The following PREP variants were observed in gnomAD, a reference collection of about 807,000 sequenced individuals.
PREP encodes the protein dJ355L5.1 (prolyl endopeptidase).
In PREP, 29 loss-of-function variants were observed where a neutral mutation model predicts 87.6. The observed-to-expected ratio is 0.33, with a 90% confidence interval of 0.25 to 0.45. The LOEUF (loss-of-function observed/expected upper bound fraction) is 0.45, where lower values mean the gene tolerates loss of function less well. PREP is among the 20% of genes least tolerant of loss of function. The pLI is 1.00. For synonymous variants in PREP, 337 were observed against 328.6 expected (o/e 1.03, Z -0.28); for missense variants, 695 against 886.5 (o/e 0.78, Z 2.74).
At chr6:105,310,057 T>A (rs551153982) in intron 10 of PREP, among the ~76,000 whole-genome samples, 1 of 152,294 alleles carries the variant, frequency 6.6e-6, no homozygotes, top group East Asian at 1.9e-4. Flanking sequence ...GATTTTTTTA[T>A]AGGTTTTCTT....
chr6:105,392,020 A>G (rs1773161970), intron 2 of PREP, among the ~76,000 whole-genome samples: 1 of 149,658 alleles, frequency 6.7e-6, no homozygotes, highest in African/African-American at 2.5e-5. Context: ...GATTATTGGG[A>G]CCTACTTATC....
intron 6 of PREP, among the ~76,000 whole-genome samples, chr6:105,365,404 T>C (rs1444236051): frequency 1.3e-5 from 2 of 152,300 alleles, no homozygotes; most frequent in East Asian, 3.9e-4. Flanking sequence ...CCTGGCTTTA[T>C]CACACTTCTT....
At chr6:105,378,699 GA>G (rs1226272576) in intron 2 of PREP, among the ~76,000 whole-genome samples, 1 of 152,152 alleles carries the variant, frequency 6.6e-6, no homozygotes, top group Non-Finnish European at 1.5e-5. Flanking sequence ...CTATTAGCAA[GA>G]AATGAAACAA....
At chr6:105,326,685 G>GATCTA (rs1377107771) in intron 9 of PREP, among the ~76,000 whole-genome samples, 1 of 152,184 alleles carries the variant, frequency 6.6e-6, no homozygotes, top group East Asian at 1.9e-4. Flanking sequence ...GCTTTCATGA[G>GATCTA]ATCTAATCTA....
intron 2 of PREP, among the ~76,000 whole-genome samples, chr6:105,384,748 T>C (rs1489651558): frequency 2.6e-5 from 4 of 152,142 alleles, no homozygotes; most frequent in South Asian, 2.1e-4. Context: ...CTTAAGACAC[T>C]TGGGGCTACA....
intron 5 of PREP, among the ~76,000 whole-genome samples, chr6:105,371,870 T>C (rs1772566235): frequency 6.6e-6 from 1 of 152,224 alleles, no homozygotes; most frequent in East Asian, 1.9e-4. Context: ...TGAAAGCTGA[T>C]GGTAAATAAT....
chr6:105,303,516 TG>T (rs982795595), intron 10 of PREP, among the ~76,000 whole-genome samples: 2 of 150,920 alleles, frequency 1.3e-5, no homozygotes, highest in African/African-American at 4.9e-5. Flanking sequence ...AAATCATGAC[TG>T]AAAAAAAAAA....
intron 6 of PREP, among the ~76,000 whole-genome samples, chr6:105,355,177 C>T (rs1239716103): frequency 6.6e-6 from 1 of 151,412 alleles, no homozygotes; most frequent in South Asian, 2.1e-4. Flanking sequence ...TCTCTGCCTC[C>T]TGGGTTCCAG....
intron 9 of PREP, among the ~76,000 whole-genome samples, chr6:105,326,258 C>T (rs900840130): frequency 6.6e-6 from 1 of 152,140 alleles, no homozygotes. Flanking sequence ...TATTACAACA[C>T]GCAGGTCTGG....
chr6:105,351,851 G>A (rs1189307803), intron 7 of PREP, among the ~76,000 whole-genome samples: 1 of 152,116 alleles, frequency 6.6e-6, no homozygotes, highest in African/African-American at 2.4e-5. Context: ...CAAGATGGAT[G>A]TATCTCTTTT....
intron 2 of PREP, among the ~76,000 whole-genome samples, chr6:105,383,696 C>T (rs6900098): frequency 0.11 from 16,377 of 152,082 alleles, 940 homozygotes; most frequent in Middle Eastern, 0.18. Context: ...TAAATCAACT[C>T]GTTCCCTCAC....
chr6:105,367,874 G>GGT (rs1772431548), intron 6 of PREP, among the ~76,000 whole-genome samples: 1 of 152,156 alleles, frequency 6.6e-6, no homozygotes, highest in African/African-American at 2.4e-5. Flanking sequence ...GGTGAAAATG[G>GGT]GTGTGGTTGT....
chr6:105,307,285 T>G (rs1770675448), intron 10 of PREP, among the ~76,000 whole-genome samples: 1 of 152,162 alleles, frequency 6.6e-6, no homozygotes, highest in South Asian at 2.1e-4. Flanking sequence ...GTATGTATGA[T>G]TTCTTTTCTT....
intron 10 of PREP, among the ~76,000 whole-genome samples, chr6:105,303,194 A>G (rs141972415): frequency 1.3e-3 from 198 of 152,268 alleles, no homozygotes; most frequent in African/African-American, 4.5e-3. Flanking sequence ...CCTCCTGAGT[A>G]GCCAGGACTT....
chr6:105,353,022 A>G lies in PREP; in HGVS notation c.773T>C (p.Val258Ala). The change falls in exon 7 of 15, where the codon GTA (valine) becomes GCA (alanine). Residue 258 changes from valine to alanine, a missense_variant. Val to Ala is a moderately conservative substitution (Grantham distance 64). This residue lies in a region of PREP where 517 missense variants were observed against 620.3 expected (regional missense o/e 0.83). Transcript: ENST00000652536. The part of the protein sequence containing the change: ...LLSIREGCDP[V>A]NRLWYCDLQQ... ...TAGGTCACAGTACCAGAGTCGGTTT[A>G]CTGGATCACATCCTTCCCTTATTGA... is the stretch of plus-strand genomic sequence containing the variant. The G allele has an allele frequency of 1.2e-6, 2 of 1,614,162 alleles. No homozygotes were observed. Among genetic ancestry groups the G allele is most frequent in the Non-Finnish European group, 1.7e-6 (2 of 1,180,008 alleles).
chr6:105,365,729 C>G (rs1032640356), intron 6 of PREP, among the ~76,000 whole-genome samples: 1 of 152,164 alleles, frequency 6.6e-6, no homozygotes, highest in African/African-American at 2.4e-5. Context: ...CACCCAAGTT[C>G]TGGAACACTG....
At chr6:105,298,020 A>T (rs1770447471) in intron 10 of PREP, 1 of 152,252 alleles carries the variant, frequency 6.6e-6, no homozygotes, top group Non-Finnish European at 1.5e-5. Flanking sequence ...GTTAGTTCTA[A>T]GCATTAGTGA....
At chr6:105,296,962 C>T (rs748386356) in intron 10 of PREP, among the ~76,000 whole-genome samples, 42 of 152,246 alleles carry the variant, frequency 2.8e-4, no homozygotes, top group Non-Finnish European at 3.5e-4. Flanking sequence ...TCCTGGAAGT[C>T]ACCTGTGAGG....
At chr6:105,397,185 C>CAAAAAAAAAAAAAAAAAAAAA (rs67107334) in intron 2 of PREP, among the ~76,000 whole-genome samples, 1 of 86,846 alleles carries the variant, frequency 1.2e-5, no homozygotes, top group African/African-American at 3.7e-5. Flanking sequence ...ACTCTGTCTA[C>CAAAAAAAAAAAAAAAAAAAAA]AAAAAAAAAA....
Sources: allele counts gnomAD v4.1 joint callset (sites outside exome capture counted in the v4.1 genomes callset), GRCh38; gene constraint gnomAD v4.1.1; regional missense constraint gnomAD v4.1.1; transcripts MANE v1.5; gene names NCBI Gene and HGNC (gene_info 2026-07-23, HGNC 2026-07-21).